NLGN1: variants seen among roughly 807,000 people sequenced by gnomAD.
NLGN1 encodes the protein neuroligin 1, also known as neuroligin-1.
A neutral mutation model predicts 65.5 loss-of-function variants in NLGN1; 12 were observed. The observed-to-expected ratio is 0.18, with a 90% confidence interval of 0.12 to 0.30. The LOEUF (loss-of-function observed/expected upper bound fraction) is 0.30, where lower values mean the gene tolerates loss of function less well. Ranked by LOEUF, NLGN1 falls within the 10% of genes least tolerant of loss-of-function variation. NLGN1 has a pLI of 1.00. For missense variants in NLGN1, 750 were observed against 1,007.1 expected (o/e 0.74, Z 3.46); for synonymous variants, 350 against 359.5 (o/e 0.97, Z 0.30).
chr3:174,063,499 C>G (rs1363571040), intron 4 of NLGN1, among the ~76,000 whole-genome samples: 1 of 151,994 alleles, frequency 6.6e-6, no homozygotes, highest in Non-Finnish European at 1.5e-5. Flanking sequence ...ACACTAATGT[C>G]TGTTTAAAAT....
chr3:173,627,330 A>G (rs1754978275), intron 3 of NLGN1, among the ~76,000 whole-genome samples: 1 of 152,026 alleles, frequency 6.6e-6, no homozygotes, highest in South Asian at 2.1e-4. Context: ...TTGCTTATTT[A>G]ACTTAGTATA....
At chr3:174,234,428 G>A (rs1434267092) in intron 4 of NLGN1, among the ~76,000 whole-genome samples, 1 of 152,130 alleles carries the variant, frequency 6.6e-6, no homozygotes, top group Non-Finnish European at 1.5e-5. Context: ...GTGTTTACTA[G>A]AGTTGTATGC....
chr3:174,071,265 A>G (rs1739789900), intron 4 of NLGN1, among the ~76,000 whole-genome samples: 1 of 152,192 alleles, frequency 6.6e-6, no homozygotes, highest in African/African-American at 2.4e-5. Flanking sequence ...AGACAGAGAA[A>G]TGTTGGTAGA....
intron 3 of NLGN1, among the ~76,000 whole-genome samples, chr3:173,650,233 C>A (rs1368724270): frequency 1.3e-5 from 2 of 152,086 alleles, no homozygotes; most frequent in Non-Finnish European, 2.9e-5. Context: ...TCATTATTCA[C>A]TCAAATTAGC....
chr3:173,573,980 G>T (rs946035381), intron 2 of NLGN1, among the ~76,000 whole-genome samples: 4 of 148,090 alleles, frequency 2.7e-5, no homozygotes, highest in African/African-American at 9.9e-5. Context: ...GGAGAATGGC[G>T]TGAACCCAGG....
chr3:173,400,881 G>A (rs1717558298), intron 1 of NLGN1, among the ~76,000 whole-genome samples: 3 of 152,132 alleles, frequency 2.0e-5, no homozygotes, highest in Non-Finnish European at 4.4e-5. Flanking sequence ...CAGAAAACTT[G>A]GCTAACCGTG....
intron 2 of NLGN1, among the ~76,000 whole-genome samples, chr3:173,500,219 A>G (rs1488981139): frequency 6.6e-6 from 1 of 152,186 alleles, no homozygotes. Flanking sequence ...ATTTTGAGAT[A>G]CATCCCATGA....
At chr3:173,859,357 T>TTTTCTGCCTC (rs2150788759) in intron 4 of NLGN1, among the ~76,000 whole-genome samples, 1 of 152,264 alleles carries the variant, frequency 6.6e-6, no homozygotes, top group South Asian at 2.1e-4. Flanking sequence ...CACCATTATT[T>TTTTCTGCCTC]TTTCTGCCTC....
chr3:173,652,265 G>A (rs924382833), intron 3 of NLGN1, among the ~76,000 whole-genome samples: 2 of 152,112 alleles, frequency 1.3e-5, no homozygotes, highest in Non-Finnish European at 2.9e-5. Context: ...GGAACTTTTA[G>A]TTTCTCTGAG....
At chr3:173,425,777 C>T (rs1469740367) in intron 1 of NLGN1, among the ~76,000 whole-genome samples, 1 of 151,984 alleles carries the variant, frequency 6.6e-6, no homozygotes, top group Non-Finnish European at 1.5e-5. Flanking sequence ...ATGCCTCTAG[C>T]TTTGTTCTTT....
At chr3:173,578,801 G>C (rs1021801) in intron 2 of NLGN1, among the ~76,000 whole-genome samples, 56,067 of 152,048 alleles carry the variant, frequency 0.37, 12,120 homozygotes, top group East Asian at 0.73. Context: ...GAGGTTATTA[G>C]AGGGTCAGCG....
intron 3 of NLGN1, among the ~76,000 whole-genome samples, chr3:173,605,885 A>G (rs1751330449): frequency 6.6e-6 from 1 of 152,072 alleles, no homozygotes; most frequent in Non-Finnish European, 1.5e-5. Flanking sequence ...GGCTATTATG[A>G]TACCTGCAAG....
chr3:173,500,809 C>G (rs2196420), intron 2 of NLGN1, among the ~76,000 whole-genome samples: 72,155 of 151,986 alleles, frequency 0.47, 19,685 homozygotes, highest in East Asian at 0.81. Flanking sequence ...AGTCCCCTTG[C>G]TACAAGCTCC....
chr3:174,024,141 T>TAAAAAA (rs34508881), intron 4 of NLGN1, among the ~76,000 whole-genome samples: 1 of 86,038 alleles, frequency 1.2e-5, no homozygotes, highest in Non-Finnish European at 2.2e-5. Context: ...AGAGTCCTAT[T>TAAAAAA]AAAAAAAAAA....
chr3:173,885,401 A>G (rs576179441), intron 4 of NLGN1, among the ~76,000 whole-genome samples: 1 of 152,260 alleles, frequency 6.6e-6, no homozygotes, highest in South Asian at 2.1e-4. Flanking sequence ...TGAAAAGTGA[A>G]AAGAATCTCT....
At chr3:174,161,548 T>C (rs1428489953) in intron 4 of NLGN1, among the ~76,000 whole-genome samples, 1 of 151,796 alleles carries the variant, frequency 6.6e-6, no homozygotes, top group African/African-American at 2.4e-5. Flanking sequence ...GCCAAGGAGA[T>C]GGGAAATCAG....
chr3:173,781,952 T>C (rs1781232323), intron 3 of NLGN1, among the ~76,000 whole-genome samples: 1 of 152,142 alleles, frequency 6.6e-6, no homozygotes, highest in Non-Finnish European at 1.5e-5. Flanking sequence ...GATTTAAGAT[T>C]TAAGGGAAGG....
intron 4 of NLGN1, among the ~76,000 whole-genome samples, chr3:174,193,466 G>C (rs1243711757): frequency 6.6e-6 from 1 of 152,144 alleles, no homozygotes; most frequent in Non-Finnish European, 1.5e-5. Flanking sequence ...AAAAAAGTAG[G>C]TTTTGAACTG....
intron 4 of NLGN1, among the ~76,000 whole-genome samples, chr3:173,916,281 AC>A (rs1740708805): frequency 6.6e-6 from 1 of 152,092 alleles, no homozygotes; most frequent in Non-Finnish European, 1.5e-5. Flanking sequence ...TTAATGAGTG[AC>A]CTCTAATGGA....
Sources: allele counts gnomAD v4.1 joint callset (sites outside exome capture counted in the v4.1 genomes callset), GRCh38; gene constraint gnomAD v4.1.1; transcripts MANE v1.5; gene names NCBI Gene and HGNC (gene_info 2026-07-23, HGNC 2026-07-21).